Variants in FANCC observed in about 807,000 individuals in gnomAD.
The protein encoded by FANCC is Fanconi anemia group C protein.
A neutral mutation model predicts 71.3 loss-of-function variants in FANCC; 55 were observed. That is an observed-to-expected ratio of 0.77 (90% CI 0.62 to 0.97). FANCC has a LOEUF of 0.97. Ranked by LOEUF, FANCC falls within the 50% of genes least tolerant of loss-of-function variation. The pLI is 0.00. For synonymous variants in FANCC, 275 were observed against 244.9 expected, an observed-to-expected ratio of 1.12 and a Z score of -1.15; for missense variants, 678 against 670.9, an observed-to-expected ratio of 1.01 and a Z score of -0.12.
chr9:95,292,610 C>A, intron 1 of FANCC: 1 of 1,457,666 alleles, frequency 6.9e-7, no homozygotes. Flanking sequence ...GCGGCTGCCG[C>A]AAGATCCTGC....
rs182660277 is a variant in FANCC at position 95,224,416 on chromosome 9, T to C, written c.345+16233A>G. On this transcript the variant is annotated intron_variant, in intron 4 of 14. Transcript: ENST00000289081. ...AACACGGTGACAATATCTACCTTCATGGAGTTGTGAATAGTTAACAAGATA... is the reference window on the plus strand; with the variant it reads ...AACACGGTGACAATATCTACCTTCACGGAGTTGTGAATAGTTAACAAGATA... Among the ~76,000 whole-genome samples the C allele has an allele frequency of 3.3e-5, 5 of 152,210 alleles. No homozygotes were observed. In the East Asian group the frequency reaches 9.6e-4, roughly 29 times the overall value.
intron 10 of FANCC, chr9:95,123,545 G>A (rs777201565): frequency 1.9e-4 from 98 of 529,538 alleles, no homozygotes; most frequent in Middle Eastern, 9.1e-4. Flanking sequence ...AAGGAACAAC[G>A]GTCGTACCAA....
intron 7 of FANCC, chr9:95,145,317 G>C (rs1829380263): frequency 6.6e-6 from 1 of 152,132 alleles, no homozygotes. Flanking sequence ...CAAAACATTA[G>C]GAACAAGAAA....
At position 95,107,327 on chromosome 9, in the gene FANCC, T is replaced by C. The variant is rs1002022793; in HGVS notation, c.1330-58A>G. ...GGAAGAGGCAGGACAGACATACTTC[T>C]AGGATTTATTTATTTGCTTTGAAAC... On this transcript the variant is annotated intron_variant, in intron 13 of 14. Coordinates refer to ENST00000289081, the MANE Select transcript of FANCC (RefSeq NM_000136.3). 7 of 1,546,238 alleles carry C rather than the reference T, an allele frequency of 4.5e-6. No homozygotes were observed. In the African/African-American group the frequency reaches 9.5e-5, roughly 21 times the overall value.
At chr9:95,220,090 T>G (rs1400683084) in intron 4 of FANCC, among the ~76,000 whole-genome samples, 9 of 152,124 alleles carry the variant, frequency 5.9e-5, no homozygotes, top group Non-Finnish European at 8.8e-5. Flanking sequence ...AAGAACACAT[T>G]TATGCAGCCA....
At chr9:95,114,397 G>A (rs963452783) in intron 12 of FANCC, 19 of 584,798 alleles carry the variant, frequency 3.2e-5, no homozygotes, top group Admixed American at 7.8e-5. Context: ...AAAACATTTC[G>A]ATACAGGTAT....
chr9:95,275,017 C>A lies in FANCC; in HGVS notation c.-78-25648G>T, dbSNP rs546797190. Among the ~76,000 whole-genome samples the A allele has an allele frequency of 1.5e-4, 23 of 151,360 alleles. No individual in the cohort carries two copies. In the South Asian group the frequency reaches 4.4e-3, roughly 29 times the overall value. ...TGGTGGCTCATGCTTGTAATCCCAG[C>A]ACTTTGGGATTGCAAAGGCTGAGGC... On this transcript the variant is annotated intron_variant, in intron 1 of 14. Transcript: ENST00000289081.
At chr9:95,242,376 T>TGG (rs1383870748) in intron 3 of FANCC, among the ~76,000 whole-genome samples, 1 of 149,928 alleles carries the variant, frequency 6.7e-6, no homozygotes, top group African/African-American at 2.5e-5. Context: ...CTTCATGTAG[T>TGG]AAGTGTGACA....
At chr9:95,116,615 G>A (rs2134677846) in intron 11 of FANCC, among the ~76,000 whole-genome samples, 1 of 152,340 alleles carries the variant, frequency 6.6e-6, no homozygotes, top group East Asian at 1.9e-4. Context: ...CGCAGTCTGT[G>A]CCCATGTCAG....
In FANCC at chr9:95,100,397, T is replaced by C. The variant is rs1429423441; in HGVS notation, c.*1310A>G. ...CTATTAGCATTGCCACATACCAAAA[T>C]AAGGAATTTCCCTAAAGGTTAACTT... is the stretch of plus-strand genomic sequence containing the variant. On this transcript the variant is annotated 3_prime_UTR_variant, in exon 15 of 15. Transcript: ENST00000289081. 2 of 231,392 alleles carry C rather than the reference T, an allele frequency of 8.6e-6. No individual in the cohort carries two copies. Among genetic ancestry groups the C allele is most frequent in the Non-Finnish European group, 8.6e-6 (1 of 116,944 alleles). 14.3% of individuals were successfully genotyped at this position (231,392 alleles called of 1,614,324 possible).
At chr9:95,113,350 T>G (rs918651936) in intron 12 of FANCC, among the ~76,000 whole-genome samples, 15 of 152,066 alleles carry the variant, frequency 9.9e-5, no homozygotes, top group African/African-American at 3.4e-4. Flanking sequence ...ACAAATAAGA[T>G]AGTCTTAGTA....
At chr9:95,294,178 T>C (rs1834236172) in intron 1 of FANCC, 1 of 1,603,496 alleles carries the variant, frequency 6.2e-7, no homozygotes, top group Non-Finnish European at 8.5e-7. Flanking sequence ...TAGTCTTTTG[T>C]CTAACACAAA....
rs564438979 is a variant in FANCC at position 95,305,119 on chromosome 9, CA to C, written c.-79+12406del. 2.5e-3 allele frequency among the ~76,000 whole-genome samples: 375 copies of C among 151,148 alleles called. 6 individuals are homozygous for C. The South Asian group carries it at 0.031, about 12-fold the overall frequency. On this transcript the variant is annotated intron_variant, in intron 1 of 14. Coordinates refer to ENST00000289081, the MANE Select transcript of FANCC (RefSeq NM_000136.3). ...TTTAGAGGTTTCCCCAAAAGTCCAA[CA>C]AAAAAAAATTCAGTAAAGGCAAATG...
At chr9:95,128,887 T>C (rs536627454) in intron 8 of FANCC, among the ~76,000 whole-genome samples, 90 of 152,020 alleles carry the variant, frequency 5.9e-4, no homozygotes, top group Non-Finnish European at 1.1e-3. Flanking sequence ...ACGGCAGAGA[T>C]TTTGATTTGA....
At chr9:95,179,138 G>A (rs1438447149) in intron 4 of FANCC, among the ~76,000 whole-genome samples, 3 of 152,160 alleles carry the variant, frequency 2.0e-5, no homozygotes, top group African/African-American at 7.2e-5. Context: ...TTGCACATGT[G>A]TTTTGATGTG....
intron 1 of FANCC, among the ~76,000 whole-genome samples, chr9:95,311,512 G>C (rs1835401764): frequency 6.6e-6 from 1 of 152,112 alleles, no homozygotes; most frequent in African/African-American, 2.4e-5. Flanking sequence ...AACTGAACCA[G>C]GTAAAGAAGG....
At chr9:95,113,109 T>TG (rs1564650117) in intron 12 of FANCC, among the ~76,000 whole-genome samples, 2 of 152,158 alleles carry the variant, frequency 1.3e-5, no homozygotes, top group African/African-American at 2.4e-5. Flanking sequence ...GGAGGGTGTG[T>TG]GGGGGGCCGA....
chr9:95,272,159 C>T (rs201881352), intron 1 of FANCC, among the ~76,000 whole-genome samples: 6 of 151,428 alleles, frequency 4.0e-5, no homozygotes, highest in African/African-American at 1.2e-4. Flanking sequence ...AGGATGGTCT[C>T]GATCTCCTGA....
At chr9:95,180,726 T>G (rs1040728636) in intron 4 of FANCC, among the ~76,000 whole-genome samples, 2 of 152,146 alleles carry the variant, frequency 1.3e-5, no homozygotes, top group East Asian at 3.8e-4. Flanking sequence ...CACAGCCATT[T>G]ATTATTATCA....
Sources: allele counts gnomAD v4.1 joint callset (sites outside exome capture counted in the v4.1 genomes callset), GRCh38; gene constraint gnomAD v4.1.1; transcripts MANE v1.5; gene names NCBI Gene and HGNC (gene_info 2026-07-23, HGNC 2026-07-21).